The following COMMD10 variants were observed in gnomAD, a reference collection of about 807,000 sequenced individuals.
COMMD10 encodes the protein COMM domain-containing protein 10.
COMMD10 carries 33 observed loss-of-function variants against 28.9 expected under a neutral mutation model. That is an observed-to-expected ratio of 1.14 (90% CI 0.87 to 1.53). The LOEUF (loss-of-function observed/expected upper bound fraction) is 1.53, where lower values mean the gene tolerates loss of function less well. COMMD10 is among the 40% of genes most tolerant of loss of function. The pLI is 0.00. For synonymous variants in COMMD10, 110 were observed against 81.7 expected (o/e 1.35, Z -1.87); for missense variants, 310 against 233.4 (o/e 1.33, Z -2.14).
At chr5:116,144,799 G>A (rs570854820) in intron 5 of COMMD10, among the ~76,000 whole-genome samples, 1 of 152,010 alleles carries the variant, frequency 6.6e-6, no homozygotes, top group Admixed American at 6.6e-5. Context: ...GAGAGTGGAA[G>A]TAGTGATACA....
intron 5 of COMMD10, among the ~76,000 whole-genome samples, chr5:116,253,869 A>C (rs62385978): frequency 6.8e-6 from 1 of 146,886 alleles, no homozygotes; most frequent in African/African-American, 2.6e-5. Flanking sequence ...TTCAGAAGGA[A>C]TGGTACTAGT....
intron 5 of COMMD10, among the ~76,000 whole-genome samples, chr5:116,274,471 C>A (rs760431812): frequency 6.6e-6 from 1 of 151,704 alleles, no homozygotes; most frequent in Non-Finnish European, 1.5e-5. Flanking sequence ...TCAGATTTTT[C>A]CCAAAAGCTG....
chr5:116,176,575 A>G (rs937667739), intron 5 of COMMD10, among the ~76,000 whole-genome samples: 3 of 152,116 alleles, frequency 2.0e-5, no homozygotes, highest in South Asian at 2.1e-4. Flanking sequence ...TTATTTTCCT[A>G]TATGTTTTAC....
intron 4 of COMMD10, among the ~76,000 whole-genome samples, chr5:116,102,613 A>T (rs1750699752): frequency 6.6e-6 from 1 of 152,158 alleles, no homozygotes; most frequent in South Asian, 2.1e-4. Flanking sequence ...GTATTTTGAT[A>T]AGGATTGCAT....
Position 116,152,200 on chromosome 5 carries a change from G to C in COMMD10, c.510+18022G>C, listed in dbSNP as rs538660949. Among the ~76,000 whole-genome samples the C allele has an allele frequency of 3.3e-5, 5 of 152,288 alleles. No homozygotes were observed. The East Asian group carries it at 9.7e-4, about 29-fold the overall frequency. On this transcript the variant is annotated intron_variant, in intron 5 of 6. Transcript: ENST00000274458. ...GTTTCTTAATCCTGAGTTCTAGTTT[G>C]ATTGCACTGTGGTCTGAGAGACAGT...
intron 5 of COMMD10, among the ~76,000 whole-genome samples, chr5:116,210,661 T>C (rs1229348180): frequency 6.6e-6 from 1 of 152,152 alleles, no homozygotes; most frequent in Non-Finnish European, 1.5e-5. Context: ...CAACAAATCC[T>C]GTCATTTCTA....
At chr5:116,131,487 C>G (rs1202342621) in intron 4 of COMMD10, among the ~76,000 whole-genome samples, 1 of 151,874 alleles carries the variant, frequency 6.6e-6, no homozygotes, top group Non-Finnish European at 1.5e-5. Context: ...CTGCCTCCTA[C>G]CAAAGCCATA....
chr5:116,292,533 T>C lies in COMMD10; in HGVS notation c.*44T>C, dbSNP rs1176479069. ...TTTTCATCACGCTCCTGCCACCTCA[T>C]TATTTTGCATTGAAGATACATTGCC... On this transcript the variant is annotated 3_prime_UTR_variant, in exon 7 of 7. Coordinates refer to ENST00000274458, the MANE Select transcript of COMMD10 (RefSeq NM_016144.4). The C allele has an allele frequency of 2.0e-6, 3 of 1,517,282 alleles. No homozygotes were observed. Among genetic ancestry groups the C allele is most frequent in the Non-Finnish European group, 2.7e-6 (3 of 1,118,406 alleles). 94.0% of individuals were successfully genotyped at this position (1,517,282 alleles called of 1,614,324 possible).
intron 5 of COMMD10, among the ~76,000 whole-genome samples, chr5:116,247,364 T>C (rs1458694693): frequency 6.6e-6 from 1 of 152,116 alleles, no homozygotes; most frequent in African/African-American, 2.4e-5. Context: ...TATACACTGT[T>C]GGTGGCAGTG....
At position 116,182,581 on chromosome 5, in the gene COMMD10, T is replaced by C. The variant is rs182387770; in HGVS notation, c.510+48403T>C. ...TAATAAAATTTAGAGAACAAAACAG[T>C]ATTCTAGAGAAACACTAAGGTTATT... On this transcript the variant is annotated intron_variant, in intron 5 of 6. Coordinates refer to ENST00000274458, the MANE Select transcript of COMMD10 (RefSeq NM_016144.4). Among the ~76,000 whole-genome samples the C allele has an allele frequency of 2.2e-4, 34 of 152,194 alleles. No individual in the cohort carries two copies. The East Asian group carries it at 4.4e-3, about 20-fold the overall frequency.
chr5:116,272,602 G>C (rs1177925632), intron 5 of COMMD10, among the ~76,000 whole-genome samples: 1 of 151,704 alleles, frequency 6.6e-6, no homozygotes, highest in Non-Finnish European at 1.5e-5. Flanking sequence ...TGTTCTGACT[G>C]TGCTTTGTCT....
Position 116,261,978 on chromosome 5 carries a change from T to A in COMMD10, c.511-29539T>A, listed in dbSNP as rs1750459719. On this transcript the variant is annotated intron_variant, in intron 5 of 6. Coordinates refer to ENST00000274458, the MANE Select transcript of COMMD10 (RefSeq NM_016144.4). ...TCTAAGCACTTTACATGTCATATGA[T>A]CTTTAACACAATCCTTAGAGATCTA... Among the ~76,000 whole-genome samples the A allele has an allele frequency of 2.0e-5, 3 of 151,756 alleles. No individual in the cohort carries two copies. The South Asian group carries it at 6.2e-4, about 31-fold the overall frequency.
intron 5 of COMMD10, among the ~76,000 whole-genome samples, chr5:116,223,531 T>A (rs1749318386): frequency 6.6e-6 from 1 of 152,180 alleles, no homozygotes; most frequent in Admixed American, 6.5e-5. Flanking sequence ...TTAGAAGTTC[T>A]AAGAAAGCAA....
intron 4 of COMMD10, among the ~76,000 whole-genome samples, chr5:116,100,299 T>C (rs1455790216): frequency 2.0e-5 from 3 of 152,174 alleles, no homozygotes; most frequent in Non-Finnish European, 4.4e-5. Flanking sequence ...TAGTTTGATA[T>C]AATCACACTT....
At chr5:116,278,642 A>G (rs1003805980) in intron 5 of COMMD10, among the ~76,000 whole-genome samples, 3 of 151,828 alleles carry the variant, frequency 2.0e-5, no homozygotes, top group Non-Finnish European at 4.4e-5. Flanking sequence ...GCTCTCTTAT[A>G]CGATTTTTAT....
chr5:116,279,640 T>G (rs1367499660), intron 5 of COMMD10, among the ~76,000 whole-genome samples: 1 of 151,866 alleles, frequency 6.6e-6, no homozygotes, highest in Non-Finnish European at 1.5e-5. Flanking sequence ...ACTAACTTTT[T>G]TTATTTGTTT....
chr5:116,269,499 C>A (rs1389878614), intron 5 of COMMD10, among the ~76,000 whole-genome samples: 1 of 151,632 alleles, frequency 6.6e-6, no homozygotes. Flanking sequence ...TTATGCAGTT[C>A]AAGTTAGAAA....
chr5:116,230,839 A>G (rs1749511914), intron 5 of COMMD10, among the ~76,000 whole-genome samples: 2 of 151,854 alleles, frequency 1.3e-5, no homozygotes, highest in Non-Finnish European at 2.9e-5. Flanking sequence ...TACATGATAT[A>G]TAGATAAATA....
chr5:116,243,074 G>C (rs2112664970), intron 5 of COMMD10, among the ~76,000 whole-genome samples: 1 of 152,288 alleles, frequency 6.6e-6, no homozygotes, highest in Admixed American at 6.5e-5. Context: ...AGCACAGCCT[G>C]AAGTGATTGT....
Sources: gnomAD v4.1 joint callset for allele counts (sites outside exome capture counted in the v4.1 genomes callset) on GRCh38, gnomAD v4.1.1 for gene constraint, MANE v1.5 for transcripts, NCBI Gene and HGNC (gene_info 2026-07-23, HGNC 2026-07-21) for gene names.